Variants in NIN observed in about 807,000 individuals in gnomAD.
NIN encodes the protein ninein.
Under a neutral mutation model 257.6 loss-of-function variants are expected in NIN, and 137 were observed. The ratio of observed to expected loss-of-function variants is 0.53; its 90% confidence interval spans 0.46 to 0.61. NIN has a LOEUF of 0.61. NIN is among the 20% of genes least tolerant of loss of function. The probability of loss-of-function intolerance (pLI) is 0.00; values close to 1 mark genes in which losing one functional copy is unlikely to be tolerated. For synonymous variants in NIN, 918 were observed against 919.8 expected (o/e 1.00, Z 0.04); for missense variants, 2,439 against 2,501.2 (o/e 0.98, Z 0.53).
chr14:50,824,628 A>G (rs2045380961), intron 2 of NIN, among the ~76,000 whole-genome samples: 2 of 152,188 alleles, frequency 1.3e-5, no homozygotes, highest in South Asian at 4.1e-4. Context: ...GGTAAGATCC[A>G]CGCTCCTATT....
rs1194848133 is a variant in NIN, at chr14:50,729,601, C to G, written c.6000G>C (p.Gln2000His). The G allele has an allele frequency of 6.2e-7, 1 of 1,614,084 alleles. No individual in the cohort carries two copies. The highest frequency in any genetic ancestry group is 1.7e-5 in the Admixed American group (1 of 60,020). ...GGTTTATCCTTTCTGCCTGCAGCAG[C>G]TGGCGTTGAAGCTGCAGAAACTGCT... ...PREQFLQLQR[Q>H]LLQAERINQH... Residue 2000 changes from glutamine (Q) to histidine (H), a missense_variant, in exon 29 of 31, where the codon CAG (glutamine) becomes CAC (histidine). This residue lies in a region of NIN where 2,043 missense variants were observed against 2,050.2 expected (regional missense o/e 1.00). Coordinates refer to ENST00000530997, the MANE Select transcript of NIN (RefSeq NM_020921.4).
intron 5 of NIN, among the ~76,000 whole-genome samples, chr14:50,785,895 G>A (rs188684998): frequency 8.5e-4 from 129 of 152,310 alleles, no homozygotes; most frequent in Admixed American, 8.3e-3. Flanking sequence ...CCAGCTCCCA[G>A]TCTCTCCATT....
rs892285172 is a variant in NIN at position 50,754,467 on chromosome 14, T to A, written c.4734+96A>T. ...TACAACCTTACCATCATTAGCTATA[T>A]GCTATTCATTACCGTGTGCTGTAAA... On this transcript the variant is annotated intron_variant, in intron 20 of 30. Transcript: ENST00000530997. 1.3e-5 allele frequency: 12 copies of A among 922,758 alleles called. No homozygotes were observed. In the African/African-American group the frequency reaches 1.7e-4, roughly 13 times the overall value. The allele number at this position is 922,758 out of a possible 1,614,324, so 57.2% of individuals were successfully genotyped here.
intron 26 of NIN, among the ~76,000 whole-genome samples, chr14:50,738,525 G>A (rs964715313): frequency 2.6e-5 from 4 of 152,234 alleles, no homozygotes; most frequent in East Asian, 3.9e-4. Context: ...GGGACTTCTG[G>A]GTCTACTAAC....
At chr14:50,775,561 A>G (rs575468249) in intron 7 of NIN, among the ~76,000 whole-genome samples, 1 of 152,276 alleles carries the variant, frequency 6.6e-6, no homozygotes, top group East Asian at 1.9e-4. Flanking sequence ...GAATTTCACT[A>G]TTTTTCTTTA....
chr14:50,745,927 C>A (rs1294369586), intron 22 of NIN, among the ~76,000 whole-genome samples: 1 of 152,044 alleles, frequency 6.6e-6, no homozygotes, highest in Non-Finnish European at 1.5e-5. Flanking sequence ...TGACGCTACC[C>A]TATTCTTGGG....
intron 3 of NIN, among the ~76,000 whole-genome samples, chr14:50,809,743 A>G (rs2044494218): frequency 6.6e-6 from 1 of 152,232 alleles, no homozygotes; most frequent in African/African-American, 2.4e-5. Flanking sequence ...TCTGGAATTA[A>G]TTCTAATTAA....
At chr14:50,769,865 G>T (rs1361668645) in intron 12 of NIN, among the ~76,000 whole-genome samples, 1 of 151,826 alleles carries the variant, frequency 6.6e-6, no homozygotes, top group Non-Finnish European at 1.5e-5. Context: ...ATCACTTGGG[G>T]CCAGGAGTTT....
intron 28 of NIN, among the ~76,000 whole-genome samples, chr14:50,734,086 AT>A (rs200910856): frequency 0.19 from 25,574 of 138,110 alleles, 1,953 homozygotes; most frequent in East Asian, 0.28. Flanking sequence ...TTTCTTCTTT[AT>A]TTTTTTTTTT....
At position 50,758,516 on chromosome 14, in the gene NIN, C is replaced by T; in HGVS notation, c.2514G>A (p.Gly838=). The T allele has an allele frequency of 6.2e-7, 1 of 1,614,218 alleles. No individual in the cohort carries two copies. Among genetic ancestry groups the T allele is most frequent in the Middle Eastern group, 1.7e-4 (1 of 6,060 alleles). ...GGTCCTTCAGCTCTTGGCGGTAGCG[C>T]CCCTCCAGGCTTTGCAGAGCGCTTT... ...RCESALQSLE[G]RYRQELKDLQ... Residue 838 remains glycine, a synonymous_variant, in exon 18 of 31, where the codon GGG becomes GGA. Coordinates refer to ENST00000530997, the MANE Select transcript of NIN (RefSeq NM_020921.4).
rs544226287 is a variant in NIN, at chr14:50,830,424, G to C, written c.-22+40C>G. 1.8e-5 allele frequency: 3 copies of C among 167,112 alleles called. No individual in the cohort carries two copies. The East Asian group carries it at 5.8e-4, about 32-fold the overall frequency. 10.4% of individuals were successfully genotyped at this position (167,112 alleles called of 1,614,324 possible). ...AAACCTCAGACAGCCCATTGTGTGG[G>C]CAGGCAGCGCGCTCCCCCGGCCCCG... On this transcript the variant is annotated intron_variant, in intron 2 of 30. Coordinates refer to ENST00000530997, the MANE Select transcript of NIN (RefSeq NM_020921.4).
In NIN at chr14:50,771,552, C is replaced by T. The variant is rs1002683228; in HGVS notation, c.982-84G>A. 50 of 1,419,176 alleles carry T rather than the reference C, an allele frequency of 3.5e-5. No individual in the cohort carries two copies. In the African/African-American group the frequency reaches 6.8e-4, roughly 19 times the overall value. 87.9% of individuals were successfully genotyped at this position (1,419,176 alleles called of 1,614,324 possible). ...GCAGAAAATGTGAAGGCTATACAAA[C>T]TCTGAGAGCTGACAATGATCTAGCA... On this transcript the variant is annotated intron_variant, in intron 9 of 30. Transcript: ENST00000530997.
rs1385696961 is a variant in NIN, at chr14:50,752,648, A to G, written c.4820T>C (p.Leu1607Pro). ...TGTTAGACGTTGATTAAGTTCTTGCAGTTTTTCCTGGTTTTGAGAGTTCTT... is the reference window on the plus strand; with the variant it reads ...TGTTAGACGTTGATTAAGTTCTTGCGGTTTTTCCTGGTTTTGAGAGTTCTT... ...SQKNSQNQEK[L>P]QELNQRLTEM... The change falls in exon 21 of 31, where the codon CTG becomes CCG. Residue 1607 changes from leucine (L) to proline (P), a missense_variant. Leu to Pro is a moderately conservative substitution (Grantham distance 98). Coordinates refer to ENST00000530997, the MANE Select transcript of NIN (RefSeq NM_020921.4). 21 of 1,613,682 alleles carry G rather than the reference A, an allele frequency of 1.3e-5. No homozygotes were observed. The highest frequency in any genetic ancestry group is 1.8e-5 in the Non-Finnish European group (21 of 1,179,830).
chr14:50,822,563 C>T (rs2045275826), intron 2 of NIN, among the ~76,000 whole-genome samples: 1 of 152,222 alleles, frequency 6.6e-6, no homozygotes, highest in Non-Finnish European at 1.5e-5. Context: ...TTTAGACAAC[C>T]TGCCCCGATG....
rs2041292132 is a variant in NIN, at chr14:50,741,699, A to G, written c.5331T>C (p.Asn1777=). The G allele has an allele frequency of 1.2e-6, 2 of 1,613,894 alleles. No homozygotes were observed. The highest frequency in any genetic ancestry group is 3.3e-5 in the Admixed American group (2 of 59,976). ...KVQNLEDTVQ[N]VNLQMSRMKS... ...TCATCCGGGACATTTGCAGGTTTACATTCTGCACGGTGTCTTCTAAATTCT... is the reference window on the plus strand; with the variant it reads ...TCATCCGGGACATTTGCAGGTTTACGTTCTGCACGGTGTCTTCTAAATTCT... The change falls in exon 25 of 31, where the codon AAT becomes AAC. Residue 1777 remains asparagine, a synonymous_variant. Transcript: ENST00000530997.
rs369571043 is a variant in NIN, at chr14:50,790,313, C to T, written c.435+2399G>A. ...TCAAGTGATCCTCCTGCCTTGGCCTCCCAAAGTGCTGGGAGGCATGAGCCA... is the reference window on the plus strand; with the variant it reads ...TCAAGTGATCCTCCTGCCTTGGCCTTCCAAAGTGCTGGGAGGCATGAGCCA... On this transcript the variant is annotated intron_variant, in intron 5 of 30. Coordinates refer to ENST00000530997, the MANE Select transcript of NIN (RefSeq NM_020921.4). 8.7e-4 allele frequency among the ~76,000 whole-genome samples: 133 copies of T among 152,282 alleles called. No individual in the cohort carries two copies. In the South Asian group the frequency reaches 0.026, roughly 30 times the overall value.
chr14:50,761,858 C>A lies in NIN; in HGVS notation c.1828G>T (p.Val610Phe). The A allele has an allele frequency of 6.2e-7, 1 of 1,614,150 alleles. No individual in the cohort carries two copies. The highest frequency in any genetic ancestry group is 8.5e-7 in the Non-Finnish European group (1 of 1,180,004). ...PLNMSIEAEL[V>F]IEQMKEQHHR... ...TGTTGTTCTTTCATCTGTTCAATGA[C>A]CAGCTCTGCCTCAATGCTCATATTC... The change falls in exon 16 of 31, where the codon GTC becomes TTC. Residue 610 changes from valine to phenylalanine, a missense_variant. Transcript: ENST00000530997.
At chr14:50,755,623 T>C (rs989711439) in intron 18 of NIN, among the ~76,000 whole-genome samples, 1 of 149,324 alleles carries the variant, frequency 6.7e-6, no homozygotes, top group Non-Finnish European at 1.5e-5. Flanking sequence ...TGTTCTAAGA[T>C]AAATTTCCAC....
In NIN at chr14:50,756,995, G is replaced by A; in HGVS notation, c.4035C>T (p.Cys1345=). 2 of 1,613,482 alleles carry A rather than the reference G, an allele frequency of 1.2e-6. No individual in the cohort carries two copies. Among genetic ancestry groups the A allele is most frequent in the Non-Finnish European group, 1.7e-6 (2 of 1,179,708 alleles). The part of the protein sequence containing the change: ...LQESVVQRCD[C]CLWEASLENL... The stretch of plus-strand genomic sequence containing the variant: ...TCTCTAAACTGGCTTCCCATAAGCA[G>A]CAGTCACACCGCTGGACCACGCTTT... Residue 1345 remains cysteine, a synonymous_variant, in exon 18 of 31, where the codon TGC becomes TGT. Transcript: ENST00000530997.
Sources: gnomAD v4.1 joint callset for allele counts (sites outside exome capture counted in the v4.1 genomes callset) on GRCh38, gnomAD v4.1.1 for gene constraint, gnomAD v4.1.1 regional missense constraint, MANE v1.5 for transcripts, NCBI Gene and HGNC (gene_info 2026-07-23, HGNC 2026-07-21) for gene names.